Variants in CDC25C observed in about 807,000 individuals in gnomAD.
CDC25C encodes the protein cell division cycle 25C, also known as M-phase inducer phosphatase 3.
Under a neutral mutation model 52.5 loss-of-function variants are expected in CDC25C, and 48 were observed. The observed-to-expected ratio is 0.91, with a 90% CI of 0.72 to 1.16. CDC25C has a LOEUF of 1.16. Ranked by LOEUF, CDC25C falls within the 50% of genes most tolerant of loss-of-function variation. CDC25C has a pLI of 0.00. For missense variants in CDC25C, 510 were observed against 566.1 expected (o/e 0.90, Z 1.01); for synonymous variants, 187 against 206.5 (o/e 0.91, Z 0.81).
intron 12 of CDC25C, 82 bp downstream of exon 12, chr5:138,286,415 G>A: frequency 1.5e-6 from 2 of 1,371,604 alleles, no homozygotes; most frequent in Non-Finnish European, 2.0e-6. Context: ...GTAGAATCCA[G>A]TCAGTCTCTG....
At chr5:138,335,935 G>A (rs988521306), upstream of CDC25C, among the ~76,000 whole-genome samples, 1 of 151,804 alleles carries the variant, frequency 6.6e-6, no homozygotes, top group Non-Finnish European at 1.5e-5. Context: ...TGAAAAGCAA[G>A]GGCTTTTAGA....
upstream of CDC25C, among the ~76,000 whole-genome samples, chr5:138,333,154 C>G (rs958529311): frequency 6.6e-6 from 1 of 152,184 alleles, no homozygotes; most frequent in Non-Finnish European, 1.5e-5. Context: ...ATACTTCTTA[C>G]TTCAATGTAT....
chr5:138,321,465 A>G (rs1347061506), intron 6 of CDC25C, among the ~76,000 whole-genome samples: 2 of 151,944 alleles, frequency 1.3e-5, no homozygotes, highest in Non-Finnish European at 2.9e-5. Flanking sequence ...AACATGATCA[A>G]CTTAGTGGCC....
chr5:138,337,669 T>A, intron 1 of CDC25C: 1 of 320,078 alleles, frequency 3.1e-6, no homozygotes, highest in Non-Finnish European at 6.0e-6. Flanking sequence ...CCATTATAAG[T>A]CCTGGGTTTT....
intron 3 of CDC25C, 59 bp from the exon 4 acceptor site, chr5:138,328,588 T>C (rs1760082028): frequency 3.5e-6 from 5 of 1,410,768 alleles, no homozygotes; most frequent in South Asian, 1.2e-5. Context: ...CATCCTGTTT[T>C]TCCTTCAGAT....
At chr5:138,332,003 A>G, upstream of CDC25C, 1 of 737,530 alleles carries the variant, frequency 1.4e-6, no homozygotes, top group South Asian at 6.0e-5. Context: ...CCAGAGCAGG[A>G]TAGTGTTTGG....
intron 6 of CDC25C, among the ~76,000 whole-genome samples, chr5:138,324,031 G>A (rs932504902): frequency 4.0e-5 from 6 of 151,200 alleles, no homozygotes; most frequent in Non-Finnish European, 8.8e-5. Flanking sequence ...AGCATTTTGG[G>A]AGGCTGAGGC....
chr5:138,301,224 T>C (rs1757604306), intron 7 of CDC25C, among the ~76,000 whole-genome samples: 1 of 152,180 alleles, frequency 6.6e-6, no homozygotes, highest in Non-Finnish European at 1.5e-5. Context: ...TTATCAGGAA[T>C]AAGACAGAGG....
At chr5:138,308,692 T>C (rs906226925) in intron 7 of CDC25C, among the ~76,000 whole-genome samples, 1 of 152,122 alleles carries the variant, frequency 6.6e-6, no homozygotes, top group Non-Finnish European at 1.5e-5. Context: ...CTTCAGATTG[T>C]ATCTTGGTTT....
chr5:138,298,013 T>C (rs888849862), intron 7 of CDC25C, among the ~76,000 whole-genome samples: 1 of 151,658 alleles, frequency 6.6e-6, no homozygotes, highest in Non-Finnish European at 1.5e-5. Context: ...TTTTTTTTTT[T>C]CTTGAGACAG....
chr5:138,330,506 T>C (rs1760277848), intron 2 of CDC25C, among the ~76,000 whole-genome samples: 1 of 152,160 alleles, frequency 6.6e-6, no homozygotes, highest in Non-Finnish European at 1.5e-5. Context: ...TATTATTTCT[T>C]TGTCTTTTCT....
Position 138,338,166 on chromosome 5 carries a change from G to A in CDC25C, c.-198C>T, listed in dbSNP as rs919490541. 3 of 1,289,624 alleles carry A rather than the reference G, an allele frequency of 2.3e-6. No homozygotes were observed. The African/African-American group carries it at 4.6e-5, about 20-fold the overall frequency. The allele number at this position is 1,289,624 out of a possible 1,614,324, so 79.9% of individuals were successfully genotyped here. On this transcript the variant is annotated 5_prime_UTR_variant, in exon 1 of 6. Transcript: ENST00000510119. ...AGCTGCGCCCTCCATGGGTGGCTTG[G>A]GGGGATTCTGCGAGCCGGAGCTGTC... is the stretch of plus-strand genomic sequence containing the variant.
Position 138,286,367 on chromosome 5 carries a change from A to C in CDC25C, c.1160+130T>G. 1.1e-5 allele frequency: 12 copies of C among 1,083,684 alleles called. 1 individual carries two copies. The highest frequency in any genetic ancestry group is 3.1e-4 in the Middle Eastern group (1 of 3,180). The allele number at this position is 1,083,684 out of a possible 1,614,324, so 67.1% of individuals were successfully genotyped here. On this transcript the variant is annotated intron_variant, in intron 12 of 13. Coordinates refer to ENST00000323760, the MANE Select transcript of CDC25C (RefSeq NM_001790.5). Reference sequence around the variant, plus strand: ...ATTGTTTCAAACTTTTCAATTTTAGAAACGTCTTCCTTCAACCTCCCTAAC... The same window carrying C: ...ATTGTTTCAAACTTTTCAATTTTAGCAACGTCTTCCTTCAACCTCCCTAAC...
upstream of CDC25C, chr5:138,332,000 A>C (rs1005586264): frequency 2.6e-6 from 2 of 762,312 alleles, no homozygotes; most frequent in Non-Finnish European, 3.2e-6. Flanking sequence ...TAGCCAGAGC[A>C]GGATAGTGTT....
At position 138,290,747 on chromosome 5, in the gene CDC25C, A is replaced by G. The variant is rs957721687; in HGVS notation, c.763-7T>C. 115 of 1,542,274 alleles carry G rather than the reference A, an allele frequency of 7.5e-5. No homozygotes were observed. Among genetic ancestry groups the G allele is most frequent in the Non-Finnish European group, 9.8e-5 (109 of 1,114,942 alleles). Reference sequence around the variant, plus strand: ...TCTTCTTTAAACATAAGCCCTGAAGATGACAAGATTCCCACCCCACACCCA... The same window carrying G: ...TCTTCTTTAAACATAAGCCCTGAAGGTGACAAGATTCCCACCCCACACCCA... On this transcript the variant is annotated splice_region_variant and splice_polypyrimidine_tract_variant and intron_variant, in intron 8 of 13. Transcript: ENST00000323760.
intron 7 of CDC25C, among the ~76,000 whole-genome samples, chr5:138,293,848 T>G (rs1052311410): frequency 1.3e-5 from 2 of 151,988 alleles, no homozygotes; most frequent in African/African-American, 4.8e-5. Context: ...GGTTTTACCA[T>G]GTTGTCCAGG....
chr5:138,308,961 A>T (rs1457904870), intron 7 of CDC25C, among the ~76,000 whole-genome samples: 1 of 152,120 alleles, frequency 6.6e-6, no homozygotes, highest in East Asian at 1.9e-4. Context: ...TGGATATGAG[A>T]ATGAAATGTG....
At chr5:138,292,685 C>T (rs970559484) in intron 7 of CDC25C, among the ~76,000 whole-genome samples, 1 of 151,864 alleles carries the variant, frequency 6.6e-6, no homozygotes, top group Non-Finnish European at 1.5e-5. Flanking sequence ...TGAAACCCAT[C>T]AGGGAAAAAA....
intron 10 of CDC25C, among the ~76,000 whole-genome samples, chr5:138,289,060 G>GT (rs1360310257): frequency 1.3e-5 from 2 of 152,128 alleles, no homozygotes; most frequent in Non-Finnish European, 2.9e-5. Context: ...CCCAACTGGG[G>GT]TTCAAGCAAT....
Sources: gnomAD v4.1 joint callset for allele counts (sites outside exome capture counted in the v4.1 genomes callset) on GRCh38, gnomAD v4.1.1 for gene constraint, MANE v1.5 for transcripts, NCBI Gene and HGNC (gene_info 2026-07-23, HGNC 2026-07-21) for gene names.